Variants in CTNNA2 observed in about 807,000 individuals in gnomAD.
CTNNA2 encodes catenin alpha 2, also known as catenin alpha-2.
In CTNNA2, 42 loss-of-function variants were observed where a neutral mutation model predicts 101.0. That is an observed-to-expected ratio of 0.42 (90% CI 0.32 to 0.54). The LOEUF is 0.54. Among genes scored for constraint, CTNNA2 ranks in the 20% least tolerant of loss-of-function variants. CTNNA2 has a pLI of 0.14. For synonymous variants in CTNNA2, 450 were observed against 456.4 expected (o/e 0.99, Z 0.18); for missense variants, 871 against 1,223.1 (o/e 0.71, Z 4.29).
At chr2:79,641,646 C>T (rs1032167990) in intron 1 of CTNNA2, among the ~76,000 whole-genome samples, 5 of 152,132 alleles carry the variant, frequency 3.3e-5, no homozygotes, top group South Asian at 4.1e-4. Context: ...AGAGTAAGCA[C>T]TACTTACCTG....
chr2:79,815,313 G>A (rs1442974743), intron 3 of CTNNA2, among the ~76,000 whole-genome samples: 2 of 152,054 alleles, frequency 1.3e-5, no homozygotes, highest in African/African-American at 4.8e-5. Context: ...TATTGCATTT[G>A]CTTTTGGGTT....
intron 1 of CTNNA2, among the ~76,000 whole-genome samples, chr2:79,193,929 C>T (rs773766864): frequency 1.3e-5 from 2 of 152,144 alleles, no homozygotes; most frequent in East Asian, 1.9e-4. Flanking sequence ...TACGACATTG[C>T]TTTGCACATA....
chr2:79,882,369 G>A lies in CTNNA2; in HGVS notation c.852+8027G>A, dbSNP rs187198749. ...GCCACCCCTCCCCCTAGGGGCTCAGGCCCAGAGAGATCCATTTTCTGTCCC... is the reference window on the plus strand; with the variant it reads ...GCCACCCCTCCCCCTAGGGGCTCAGACCCAGAGAGATCCATTTTCTGTCCC... On this transcript the variant is annotated intron_variant, in intron 6 of 18. Coordinates refer to ENST00000402739, the MANE Select transcript of CTNNA2 (RefSeq NM_001282597.3). 1.2e-4 allele frequency among the ~76,000 whole-genome samples: 18 copies of A among 152,286 alleles called. No homozygotes were observed. In the East Asian group the frequency reaches 2.5e-3, roughly 21 times the overall value.
intron 2 of CTNNA2, among the ~76,000 whole-genome samples, chr2:79,204,253 C>T (rs75711626): frequency 2.0e-5 from 3 of 152,176 alleles, no homozygotes; most frequent in Non-Finnish European, 2.9e-5. Flanking sequence ...CTCAGGAATG[C>T]CACGCTGACC....
At chr2:80,551,633 G>A (rs1558577938) in intron 11 of CTNNA2, among the ~76,000 whole-genome samples, 1 of 152,182 alleles carries the variant, frequency 6.6e-6, no homozygotes, top group Non-Finnish European at 1.5e-5. Flanking sequence ...TTCTTCTGCA[G>A]CTTCCTTACC....
chr2:80,043,214 T>G (rs1195512859), intron 7 of CTNNA2, among the ~76,000 whole-genome samples: 1 of 146,530 alleles, frequency 6.8e-6, no homozygotes, highest in African/African-American at 2.5e-5. Flanking sequence ...CTCTTTTTTT[T>G]TTTTTCAGAG....
chr2:79,827,752 C>A (rs1167427193), intron 3 of CTNNA2, among the ~76,000 whole-genome samples: 1 of 152,104 alleles, frequency 6.6e-6, no homozygotes, highest in African/African-American at 2.4e-5. Flanking sequence ...GTCAACAATA[C>A]TTAACAGAGG....
chr2:79,684,005 C>A (rs1000146501), intron 2 of CTNNA2, among the ~76,000 whole-genome samples: 6 of 152,112 alleles, frequency 3.9e-5, no homozygotes, highest in Non-Finnish European at 8.8e-5. Context: ...CTTTCCTACT[C>A]CATACCACTG....
At chr2:80,489,224 A>ATG (rs960204503) in intron 9 of CTNNA2, among the ~76,000 whole-genome samples, 1 of 152,226 alleles carries the variant, frequency 6.6e-6, no homozygotes, top group Non-Finnish European at 1.5e-5. Context: ...CTTTTAAATC[A>ATG]TGTTCACAAT....
intron 2 of CTNNA2, among the ~76,000 whole-genome samples, chr2:79,244,221 C>T (rs1674669283): frequency 1.3e-5 from 2 of 151,846 alleles, no homozygotes; most frequent in Admixed American, 1.3e-4. Flanking sequence ...TGATCTCTTC[C>T]TCAAAACTAT....
intron 1 of CTNNA2, among the ~76,000 whole-genome samples, chr2:79,650,875 G>C (rs1158818936): frequency 6.8e-6 from 1 of 147,044 alleles, no homozygotes; most frequent in Non-Finnish European, 1.5e-5. Flanking sequence ...CTATGAGTGA[G>C]AATATGCGGT....
At chr2:79,389,933 T>C (rs1214130568) in intron 4 of CTNNA2, among the ~76,000 whole-genome samples, 1 of 152,216 alleles carries the variant, frequency 6.6e-6, no homozygotes, top group Non-Finnish European at 1.5e-5. Context: ...TTATGATTAC[T>C]TCAGAATAAG....
intron 7 of CTNNA2, among the ~76,000 whole-genome samples, chr2:80,049,759 C>CT (rs1696751735): frequency 6.6e-6 from 1 of 152,182 alleles, no homozygotes; most frequent in Non-Finnish European, 1.5e-5. Context: ...TGAAGCTGTA[C>CT]TATTGTCTTT....
intron 9 of CTNNA2, among the ~76,000 whole-genome samples, chr2:80,439,350 T>C (rs745475932): frequency 6.6e-5 from 10 of 152,198 alleles, no homozygotes; most frequent in Admixed American, 1.3e-4. Flanking sequence ...GCATTGGTTA[T>C]AGCTGCACTT....
intron 3 of CTNNA2, among the ~76,000 whole-genome samples, chr2:79,323,545 A>G (rs1178237915): frequency 6.6e-6 from 1 of 152,180 alleles, no homozygotes; most frequent in East Asian, 1.9e-4. Flanking sequence ...AAATAGAACA[A>G]AGTAAAACAA....
At chr2:80,281,798 T>C (rs944942419) in intron 7 of CTNNA2, among the ~76,000 whole-genome samples, 13 of 152,206 alleles carry the variant, frequency 8.5e-5, no homozygotes, top group South Asian at 8.3e-4. Context: ...AAAATTATTA[T>C]TGATAAAGGC....
chr2:80,634,603 GT>G, intron 18 of CTNNA2, among the ~76,000 whole-genome samples: 1 of 152,196 alleles, frequency 6.6e-6, no homozygotes, highest in Middle Eastern at 3.4e-3. Context: ...GTGATATTGA[GT>G]TCATGTAACA....
intron 1 of CTNNA2, among the ~76,000 whole-genome samples, chr2:79,528,898 T>G (rs1023443697): frequency 1.3e-5 from 2 of 152,138 alleles, no homozygotes; most frequent in African/African-American, 4.8e-5. Flanking sequence ...CCTTAGGACA[T>G]CTAATGGTAT....
chr2:79,723,381 C>A (rs1055926389), intron 2 of CTNNA2, among the ~76,000 whole-genome samples: 11 of 152,188 alleles, frequency 7.2e-5, no homozygotes, highest in African/African-American at 2.7e-4. Flanking sequence ...CTACTGGTAT[C>A]AGTGTAGCTA....
Sources: gnomAD v4.1 joint callset for allele counts (sites outside exome capture counted in the v4.1 genomes callset) on GRCh38, gnomAD v4.1.1 for gene constraint, MANE v1.5 for transcripts, NCBI Gene and HGNC (gene_info 2026-07-23, HGNC 2026-07-21) for gene names.